The following UMAD1 variants were observed in gnomAD, a reference collection of about 807,000 sequenced individuals.
UMAD1 encodes the protein UBAP1-MVB12-associated (UMA) domain containing 1.
Under a neutral mutation model 6.1 loss-of-function variants are expected in UMAD1, and 8 were observed. The observed-to-expected ratio is 1.30, with a 90% CI of 0.76 to 2.35. UMAD1 has a LOEUF of 2.35. Ranked by LOEUF, UMAD1 falls within the 30% of genes most tolerant of loss-of-function variation. The pLI is 0.00. For missense variants in UMAD1, 130 were observed against 78.4 expected (o/e 1.66, Z -2.49); for synonymous variants, 56 against 31.4 (o/e 1.78, Z -2.61).
At chr7:7,740,840 A>T (rs1246888896) in intron 2 of UMAD1, 1 of 152,042 alleles carries the variant, frequency 6.6e-6, no homozygotes, top group Non-Finnish European at 1.5e-5. Context: ...TTTTAACCCA[A>T]ATCTGTTTTA....
chr7:7,656,070 G>A (rs917500726), intron 1 of UMAD1, among the ~76,000 whole-genome samples: 6 of 152,006 alleles, frequency 3.9e-5, no homozygotes, highest in African/African-American at 1.4e-4. Context: ...CTCAACCTCA[G>A]GTGATCCGCC....
chr7:7,730,352 C>G (rs946966732), intron 2 of UMAD1, among the ~76,000 whole-genome samples: 1 of 152,202 alleles, frequency 6.6e-6, no homozygotes, highest in Non-Finnish European at 1.5e-5. Flanking sequence ...CCAGGTGATT[C>G]TAACATGCAG....
intron 2 of UMAD1, among the ~76,000 whole-genome samples, chr7:7,755,248 TAG>T (rs1396568072): frequency 6.6e-6 from 1 of 152,348 alleles, no homozygotes; most frequent in East Asian, 1.9e-4. Flanking sequence ...AGGTCTTGTT[TAG>T]TGTCTCATTT....
chr7:7,828,810 G>T (rs139689728), intron 3 of UMAD1, among the ~76,000 whole-genome samples: 1 of 152,150 alleles, frequency 6.6e-6, no homozygotes, highest in East Asian at 1.9e-4. Flanking sequence ...AGGAATTACT[G>T]AACAGATCAG....
In UMAD1 at chr7:7,830,211, C is replaced by T. The variant is rs1783434139; in HGVS notation, c.156+28468C>T. Among the ~76,000 whole-genome samples, 1 of 152,204 alleles carries T rather than the reference C, an allele frequency of 6.6e-6. No homozygotes were observed. The highest frequency in any genetic ancestry group is 1.9e-4 in the East Asian group (1 of 5,190). On this transcript the variant is annotated intron_variant, in intron 3 of 3. Transcript: ENST00000682710. The surrounding 1 kb of genome is among the most constrained non-coding windows in gnomAD (Gnocchi z 5.3). ...GACTGTGTCTACCTTGTACGTTGTG[C>T]TGGAATCAACTTGCCATTTCCTAAA...
At chr7:7,832,631 C>T (rs1783488522) in intron 3 of UMAD1, among the ~76,000 whole-genome samples, 1 of 152,180 alleles carries the variant, frequency 6.6e-6, no homozygotes, top group African/African-American at 2.4e-5. Flanking sequence ...TTTAAGACAG[C>T]TACTCTTTAA....
chr7:7,779,669 G>C (rs908353403), intron 2 of UMAD1, among the ~76,000 whole-genome samples: 2 of 151,864 alleles, frequency 1.3e-5, no homozygotes, highest in African/African-American at 4.8e-5. Flanking sequence ...TTTTGAGACA[G>C]GGTCTCACTC....
intron 3 of UMAD1, among the ~76,000 whole-genome samples, chr7:7,827,366 C>G (rs1237766528): frequency 6.6e-6 from 1 of 151,910 alleles, no homozygotes; most frequent in Admixed American, 6.6e-5. Context: ...GGCAGGCAAA[C>G]GAGAATAGCA....
At chr7:7,810,239 G>C (rs1427884876) in intron 3 of UMAD1, among the ~76,000 whole-genome samples, 1 of 152,014 alleles carries the variant, frequency 6.6e-6, no homozygotes, top group Non-Finnish European at 1.5e-5. Flanking sequence ...AAATATAATG[G>C]ATATTGCTAT....
intron 2 of UMAD1, among the ~76,000 whole-genome samples, chr7:7,723,553 A>C (rs1485052822): frequency 6.6e-6 from 1 of 152,172 alleles, no homozygotes; most frequent in African/African-American, 2.4e-5. Flanking sequence ...TACTCTTCCC[A>C]GCTGGGAGGG....
intron 2 of UMAD1, among the ~76,000 whole-genome samples, chr7:7,771,120 G>A (rs1782090957): frequency 1.4e-5 from 2 of 138,824 alleles, no homozygotes; most frequent in African/African-American, 2.5e-5. Flanking sequence ...GGAGGTTTTT[G>A]TTAGTTTTTT....
intron 1 of UMAD1, among the ~76,000 whole-genome samples, chr7:7,662,975 C>CA (rs1231447319): frequency 6.6e-6 from 1 of 150,482 alleles, no homozygotes; most frequent in East Asian, 2.0e-4. Context: ...ATAATTTTCT[C>CA]AAAAAAATTT....
chr7:7,679,900 T>C (rs1779866182), intron 2 of UMAD1, among the ~76,000 whole-genome samples: 1 of 151,784 alleles, frequency 6.6e-6, no homozygotes, highest in South Asian at 2.1e-4. Context: ...TATTTTTTCC[T>C]GTTGAGTTGT....
At chr7:7,719,837 T>C (rs374827720) in intron 2 of UMAD1, among the ~76,000 whole-genome samples, 9 of 152,246 alleles carry the variant, frequency 5.9e-5, no homozygotes, top group African/African-American at 2.2e-4. Flanking sequence ...TTGTCTAGAC[T>C]ATTTAATTCT....
intron 3 of UMAD1, among the ~76,000 whole-genome samples, chr7:7,841,004 T>C (rs926097842): frequency 1.8e-4 from 27 of 152,180 alleles, no homozygotes; most frequent in African/African-American, 6.3e-4. Context: ...CTGGTTGCTA[T>C]TTTCCTGCCA....
chr7:7,770,878 G>GC (rs1377489949), intron 2 of UMAD1, among the ~76,000 whole-genome samples: 1 of 152,072 alleles, frequency 6.6e-6, no homozygotes, highest in Non-Finnish European at 1.5e-5. Context: ...AAAGTATGGG[G>GC]CATATGATGT....
intron 1 of UMAD1, among the ~76,000 whole-genome samples, chr7:7,669,641 C>T (rs925345123): frequency 3.9e-5 from 6 of 152,142 alleles, no homozygotes; most frequent in Non-Finnish European, 8.8e-5. Context: ...AAGGGAATCC[C>T]AAGACTCTTA....
intron 2 of UMAD1, among the ~76,000 whole-genome samples, chr7:7,718,217 G>T (rs28912673): frequency 0.16 from 24,376 of 152,124 alleles, 2,282 homozygotes; most frequent in South Asian, 0.2. Context: ...TAACTTGAAT[G>T]TGTTATTTTT....
intron 3 of UMAD1, among the ~76,000 whole-genome samples, chr7:7,834,437 C>G (rs1020904043): frequency 6.6e-6 from 1 of 152,212 alleles, no homozygotes; most frequent in Admixed American, 6.5e-5. Context: ...TGGACACTGT[C>G]TCAGTCTGCT....
Sources: allele counts gnomAD v4.1 joint callset (sites outside exome capture counted in the v4.1 genomes callset), GRCh38; gene constraint gnomAD v4.1.1; non-coding constraint Gnocchi (gnomAD v3.1); transcripts MANE v1.5; gene names NCBI Gene and HGNC (gene_info 2026-07-23, HGNC 2026-07-21).